Variants in TRMT9B observed in about 807,000 individuals in gnomAD.
TRMT9B encodes the protein tRNA methyltransferase 9B (putative).
Under a neutral mutation model 11.5 loss-of-function variants are expected in TRMT9B, and 16 were observed. The ratio of observed to expected loss-of-function variants is 1.39; its 90% confidence interval spans 0.94 to 2.11. The LOEUF is 2.11. Among genes scored for constraint, TRMT9B ranks in the 30% most tolerant of loss-of-function variants. The pLI, the probability that TRMT9B is intolerant of heterozygous loss-of-function variation, is 0.00. For missense variants in TRMT9B, 941 were observed against 553.8 expected (o/e 1.70, Z -7.02); for synonymous variants, 274 against 192.4 (o/e 1.42, Z -3.51).
At chr8:13,005,794 A>G (rs1413960956) in intron 2 of TRMT9B, among the ~76,000 whole-genome samples, 1 of 152,196 alleles carries the variant, frequency 6.6e-6, no homozygotes, top group Non-Finnish European at 1.5e-5. Context: ...GAGAATTAAT[A>G]GCGCTTTGCT....
At position 13,021,755 on chromosome 8, in the gene TRMT9B, G is replaced by C; in HGVS notation, c.1076G>C (p.Cys359Ser). 1 of 1,613,984 alleles carries C rather than the reference G, an allele frequency of 6.2e-7. No homozygotes were observed. The highest frequency in any genetic ancestry group is 8.5e-7 in the Non-Finnish European group (1 of 1,179,896). Residue 359 changes from cysteine (C) to serine (S), a missense_variant, in exon 5 of 5, where the codon TGT (cysteine) becomes TCT (serine). Transcript: ENST00000524591. ...FLDSTNTGVNCVDAGNIEDDN... is the reference protein window; with the variant it reads ...FLDSTNTGVNSVDAGNIEDDN... ...GATAGCACTAATACTGGTGTGAATT[G>C]TGTGGATGCAGGCAACATAGAAGAT... is the stretch of plus-strand genomic sequence containing the variant.
At chr8:12,995,885 C>T (rs1808250332) in intron 2 of TRMT9B, among the ~76,000 whole-genome samples, 1 of 152,058 alleles carries the variant, frequency 6.6e-6, no homozygotes, top group Non-Finnish European at 1.5e-5. Context: ...TATAAAGAGC[C>T]ACATAAACAG....
chr8:12,955,421 C>T (rs1442599011), intron 1 of TRMT9B, among the ~76,000 whole-genome samples: 1 of 152,070 alleles, frequency 6.6e-6, no homozygotes, highest in Non-Finnish European at 1.5e-5. Context: ...TTTCCCCGTT[C>T]CCTCCTATCC....
intron 1 of TRMT9B, among the ~76,000 whole-genome samples, chr8:12,961,179 A>G (rs1386944813): frequency 1.3e-5 from 2 of 152,056 alleles, no homozygotes; most frequent in South Asian, 2.1e-4. Flanking sequence ...TGTGTGATAT[A>G]GTAGTGGTGG....
Position 13,022,007 on chromosome 8 carries a change from G to A in TRMT9B, c.1328G>A (p.Trp443Ter). 6.2e-7 allele frequency: 1 copy of A among 1,607,960 alleles called. No homozygotes were observed. The highest frequency in any genetic ancestry group is 8.5e-7 in the Non-Finnish European group (1 of 1,177,672). The stretch of plus-strand genomic sequence containing the variant: ...AGTTCTGGGAATGATCATGGTAACT[G>A]GTGTATCATTGCAGAGAAAAAGAGA... ...ILSSGNDHGN[W>*]CIIAEKKRGC... Residue 443 changes from tryptophan to a stop codon, truncating the protein, a stop_gained, in exon 5 of 5, where the codon TGG becomes TAG. Transcript: ENST00000524591. LOFTEE classifies it high-confidence loss of function.
intron 3 of TRMT9B, chr8:13,012,158 T>C (rs1811731537): frequency 2.0e-6 from 2 of 985,488 alleles, no homozygotes; most frequent in South Asian, 9.4e-5. Flanking sequence ...TCAATAAATG[T>C]TATTTTTTTC....
rs533583048 is a variant in TRMT9B, at chr8:13,009,919, G to T, written c.155-2765G>T. Among the ~76,000 whole-genome samples, 54 of 152,150 alleles carry T rather than the reference G, an allele frequency of 3.5e-4. 1 individual carries two copies. Among genetic ancestry groups the T allele is most frequent in the African/African-American group, 1.2e-3 (49 of 41,520 alleles). Reference sequence around the variant, plus strand: ...GTGGCGGGCAGATCTTTTAGCTCAGGAGTTCGAGACCAGCCTGGAAAACAT... The same window carrying T: ...GTGGCGGGCAGATCTTTTAGCTCAGTAGTTCGAGACCAGCCTGGAAAACAT... On this transcript the variant is annotated intron_variant, in intron 3 of 4. Transcript: ENST00000524591.
At chr8:12,982,699 AT>A (rs1008714978) in intron 1 of TRMT9B, among the ~76,000 whole-genome samples, 2 of 152,152 alleles carry the variant, frequency 1.3e-5, no homozygotes, top group South Asian at 4.1e-4. Flanking sequence ...TATTTAGTTT[AT>A]TTTTTTAGTA....
intron 1 of TRMT9B, among the ~76,000 whole-genome samples, chr8:12,971,790 A>C (rs73544700): frequency 0.042 from 6,385 of 152,254 alleles, 473 homozygotes; most frequent in African/African-American, 0.15. Flanking sequence ...TTATAAGCAT[A>C]TTTTCATGAC....
chr8:13,009,358 C>G (rs1811146537), intron 3 of TRMT9B, among the ~76,000 whole-genome samples: 1 of 152,066 alleles, frequency 6.6e-6, no homozygotes, highest in African/African-American at 2.4e-5. Flanking sequence ...GGAAAACTAT[C>G]AACAAGTCAC....
At chr8:12,947,442 A>T (rs1245490827) in intron 1 of TRMT9B, among the ~76,000 whole-genome samples, 1 of 152,198 alleles carries the variant, frequency 6.6e-6, no homozygotes, top group Non-Finnish European at 1.5e-5. Flanking sequence ...TTTTTTGGTA[A>T]GTCTCCATTA....
At position 13,021,778 on chromosome 8, in the gene TRMT9B, G is replaced by A. The variant is rs766695677; in HGVS notation, c.1099G>A (p.Asp367Asn). 1.9e-6 allele frequency: 3 copies of A among 1,613,956 alleles called. No individual in the cohort carries two copies. In the South Asian group the frequency reaches 3.3e-5, roughly 18 times the overall value. The stretch of plus-strand genomic sequence containing the variant: ...TTGTGTGGATGCAGGCAACATAGAA[G>A]ATGATAATCCTTCTGCTAGTAAAAT... ...VNCVDAGNIE[D>N]DNPSASKILR... Residue 367 changes from aspartate (D) to asparagine (N), a missense_variant, in exon 5 of 5, where the codon GAT (aspartate) becomes AAT (asparagine). Transcript: ENST00000524591.
rs1330351357 is a variant in TRMT9B, at chr8:12,961,522, A to C, written c.-200+15556A>C. Among the ~76,000 whole-genome samples, 152 of 151,558 alleles carry C rather than the reference A, an allele frequency of 1.0e-3. 1 individual carries two copies. The highest frequency in any genetic ancestry group is 2.2e-3 in the Admixed American group (34 of 15,222). On this transcript the variant is annotated intron_variant, in intron 1 of 4. Coordinates refer to ENST00000524591, the MANE Select transcript of TRMT9B (RefSeq NM_020844.3). The stretch of plus-strand genomic sequence containing the variant: ...GGAGACCATCCTGGTTAACACGGTG[A>C]AACCCCGTCTCTACTAAAAACACAA...
chr8:12,961,266 T>C (rs1204740708), intron 1 of TRMT9B, among the ~76,000 whole-genome samples: 1 of 152,132 alleles, frequency 6.6e-6, no homozygotes, highest in Non-Finnish European at 1.5e-5. Context: ...AGCCTACGAA[T>C]GTTAGTTAAT....
At chr8:13,004,809 C>G (rs968225120) in intron 2 of TRMT9B, among the ~76,000 whole-genome samples, 1 of 152,026 alleles carries the variant, frequency 6.6e-6, no homozygotes, top group Non-Finnish European at 1.5e-5. Context: ...GGGACTTTGC[C>G]TTGCACATTA....
intron 1 of TRMT9B, among the ~76,000 whole-genome samples, chr8:12,961,288 A>G (rs1240481305): frequency 1.3e-5 from 2 of 152,218 alleles, no homozygotes; most frequent in Admixed American, 6.5e-5. Flanking sequence ...ATAAATATCA[A>G]TAGTGGTTCA....
chr8:13,012,913 TA>T (rs1811925318), intron 4 of TRMT9B, 56 bp downstream of exon 4: 12 of 1,584,702 alleles, frequency 7.6e-6, no homozygotes, highest in Non-Finnish European at 1.0e-5. Context: ...TGACCCGGTT[TA>T]GTCCGTTCTC....
chr8:13,021,183 C>A lies in TRMT9B; in HGVS notation c.504C>A (p.Leu168=), dbSNP rs758970352. The A allele has an allele frequency of 2.5e-6, 4 of 1,613,730 alleles. No homozygotes were observed. Among genetic ancestry groups the A allele is most frequent in the Admixed American group, 1.7e-5 (1 of 59,992 alleles). Residue 168 remains leucine, a synonymous_variant, in exon 5 of 5, where the codon CTC becomes CTA. Transcript: ENST00000524591. ...GGAACAGGGCTCTGTGTTCCCAGCTCTTCTCAGAGTCCAGCCAGTCTGGGA... is the reference window on the plus strand; with the variant it reads ...GGAACAGGGCTCTGTGTTCCCAGCTATTCTCAGAGTCCAGCCAGTCTGGGA... ...VPWNRALCSQ[L]FSESSQSGRK... is the part of the protein sequence containing the mutation.
At chr8:12,999,626 G>A (rs1423937855) in intron 2 of TRMT9B, among the ~76,000 whole-genome samples, 4 of 152,166 alleles carry the variant, frequency 2.6e-5, no homozygotes, top group African/African-American at 9.6e-5. Context: ...TTACATTTAG[G>A]GCCAGTGCTA....
Sources: allele counts gnomAD v4.1 joint callset (sites outside exome capture counted in the v4.1 genomes callset), GRCh38; gene constraint gnomAD v4.1.1; transcripts MANE v1.5; gene names NCBI Gene and HGNC (gene_info 2026-07-23, HGNC 2026-07-21).